The following SLC1A1 variants were observed in gnomAD, a reference collection of about 807,000 sequenced individuals.
The protein encoded by SLC1A1 is solute carrier family 1 member 1, also known as excitatory amino acid transporter 3.
SLC1A1 carries 43 observed loss-of-function variants against 53.3 expected under a neutral mutation model. The ratio of observed to expected loss-of-function variants is 0.81; its 90% CI spans 0.63 to 1.04. SLC1A1 has a LOEUF of 1.04. SLC1A1 is among the 50% of genes least tolerant of loss of function. The pLI, the probability that SLC1A1 is intolerant of heterozygous loss-of-function variation, is 0.00. For missense variants in SLC1A1, 748 were observed against 664.9 expected (o/e 1.12, Z -1.37); for synonymous variants, 307 against 243.2 (o/e 1.26, Z -2.44).
intron 7 of SLC1A1, 97 bp downstream of exon 7, chr9:4,572,485 C>A: frequency 1.9e-6 from 2 of 1,064,010 alleles, no homozygotes; most frequent in Non-Finnish European, 1.5e-6. Flanking sequence ...ACTGATGAAG[C>A]TAGAGAAGTT....
intron 2 of SLC1A1, among the ~76,000 whole-genome samples, chr9:4,546,934 G>A (rs1260789797): frequency 6.6e-6 from 1 of 152,212 alleles, no homozygotes; most frequent in Non-Finnish European, 1.5e-5. Flanking sequence ...ACCACCTGAT[G>A]AGCAATACTA....
intron 2 of SLC1A1, 31 bp downstream of exon 2, chr9:4,544,738 T>A (rs775611133): frequency 1.3e-5 from 20 of 1,574,814 alleles, no homozygotes; most frequent in African/African-American, 2.7e-5. Context: ...TTCTCTATAT[T>A]AGTCCATTTT....
chr9:4,562,598 G>C (rs182255092), intron 3 of SLC1A1, among the ~76,000 whole-genome samples: 15 of 152,250 alleles, frequency 9.9e-5, no homozygotes, highest in African/African-American at 3.4e-4. Context: ...AGAATGCTTG[G>C]TCTTTGTAAC....
chr9:4,533,847 A>T (rs1816570216), intron 1 of SLC1A1, among the ~76,000 whole-genome samples: 1 of 152,214 alleles, frequency 6.6e-6, no homozygotes, highest in East Asian at 1.9e-4. Flanking sequence ...AACAGAAATT[A>T]TAACAAACTG....
rs375317333 is a variant in SLC1A1, at chr9:4,501,965, C to G, written c.91+11195C>G. On this transcript the variant is annotated intron_variant, in intron 1 of 11. Coordinates refer to ENST00000262352, the MANE Select transcript of SLC1A1 (RefSeq NM_004170.6). ...AAAAATGCACCATCACCAGAAATGCCTAAACTACAGAGAGCCTAATCTCTG... is the reference window on the plus strand; with the variant it reads ...AAAAATGCACCATCACCAGAAATGCGTAAACTACAGAGAGCCTAATCTCTG... Among the ~76,000 whole-genome samples, 293 of 151,826 alleles carry G rather than the reference C, an allele frequency of 1.9e-3. 9 individuals are homozygous for G. The highest frequency in any genetic ancestry group is 6.7e-3 in the African/African-American group (275 of 41,114).
At chr9:4,550,498 C>T (rs985263092) in intron 2 of SLC1A1, among the ~76,000 whole-genome samples, 3 of 152,164 alleles carry the variant, frequency 2.0e-5, no homozygotes, top group Admixed American at 1.3e-4. Flanking sequence ...TCAAGCCATC[C>T]TTCCACCTAA....
chr9:4,542,184 G>C (rs1255790234), intron 1 of SLC1A1, among the ~76,000 whole-genome samples: 1 of 144,948 alleles, frequency 6.9e-6, no homozygotes, highest in Non-Finnish European at 1.5e-5. Flanking sequence ...AGGAAAGGGA[G>C]AGACACGGAG....
chr9:4,554,654 G>A (rs1270003591), intron 2 of SLC1A1, among the ~76,000 whole-genome samples: 1 of 152,202 alleles, frequency 6.6e-6, no homozygotes, highest in Non-Finnish European at 1.5e-5. Flanking sequence ...CAGGAAGATG[G>A]CACAAAGAGG....
intron 1 of SLC1A1, among the ~76,000 whole-genome samples, chr9:4,492,079 G>A (rs1820255226): frequency 6.6e-6 from 1 of 152,146 alleles, no homozygotes; most frequent in African/African-American, 2.4e-5. Context: ...GCTATTTGTA[G>A]GAGGAAAGGA....
chr9:4,514,748 C>T (rs1564001738), intron 1 of SLC1A1, among the ~76,000 whole-genome samples: 1 of 152,106 alleles, frequency 6.6e-6, no homozygotes, highest in Non-Finnish European at 1.5e-5. Context: ...GCCAGATTTG[C>T]ATCCTGGAAA....
At chr9:4,582,829 C>A (rs576824043) in intron 10 of SLC1A1, among the ~76,000 whole-genome samples, 1 of 152,286 alleles carries the variant, frequency 6.6e-6, no homozygotes, top group East Asian at 1.9e-4. Context: ...AAGGAGATGG[C>A]ATCATACCCC....
chr9:4,565,953 A>C, intron 4 of SLC1A1, 94 bp from the exon 5 acceptor site: 1 of 931,636 alleles, frequency 1.1e-6, no homozygotes, highest in South Asian at 1.3e-5. Context: ...CCAGAGTACT[A>C]GTTTTATGTT....
chr9:4,540,947 C>T (rs1392655558), intron 1 of SLC1A1, among the ~76,000 whole-genome samples: 2 of 152,198 alleles, frequency 1.3e-5, no homozygotes, highest in African/African-American at 2.4e-5. Flanking sequence ...AGGTTCCACA[C>T]CTCACAATTG....
intron 1 of SLC1A1, among the ~76,000 whole-genome samples, chr9:4,531,540 G>C (rs1345836422): frequency 1.3e-5 from 2 of 152,152 alleles, no homozygotes; most frequent in Non-Finnish European, 2.9e-5. Context: ...GGCTTGAGTA[G>C]GTAAACAAAG....
chr9:4,544,420 G>T lies in SLC1A1; in HGVS notation c.92-147G>T. On this transcript the variant is annotated intron_variant, in intron 1 of 11. Transcript: ENST00000262352. ...CACTGTCTTTTAAAATATAATTTCA[G>T]TCTAGATTTTACAGACTCATGGGAA... 4.1e-6 allele frequency: 3 copies of T among 726,138 alleles called. No individual in the cohort carries two copies. In the South Asian group the frequency reaches 4.7e-5, roughly 11 times the overall value. 45.0% of individuals were successfully genotyped at this position (726,138 alleles called of 1,614,324 possible). A position where few individuals can be genotyped will look rare whatever the true frequency, so the allele number is the denominator to read the frequency against.
intron 2 of SLC1A1, among the ~76,000 whole-genome samples, chr9:4,552,577 C>T (rs1294031266): frequency 2.0e-5 from 3 of 151,972 alleles, no homozygotes; most frequent in Admixed American, 6.6e-5. Context: ...GCGAGGGAAG[C>T]AATTCTAGCA....
chr9:4,526,307 G>A (rs1428871222), intron 1 of SLC1A1, among the ~76,000 whole-genome samples: 2 of 152,188 alleles, frequency 1.3e-5, no homozygotes, highest in Non-Finnish European at 2.9e-5. Context: ...ATACTGAACA[G>A]CACTTTGAAT....
chr9:4,582,285 G>GCTGC lies in SLC1A1; in HGVS notation c.1194-751_1194-748dup, dbSNP rs779050233. The stretch of plus-strand genomic sequence containing the variant: ...AATACCTGGTAATAAAGTTCACCTG[G>GCTGC]CTGCCCCTCCTGGATTCCAGATCTT... On this transcript the variant is annotated intron_variant, in intron 10 of 11. Transcript: ENST00000262352. Among the ~76,000 whole-genome samples the GCTGC allele has an allele frequency of 5.4e-4, 83 of 152,300 alleles. 2 individuals are homozygous for GCTGC. The highest frequency in any genetic ancestry group is 1.0e-3 in the Non-Finnish European group (71 of 68,038).
At chr9:4,566,806 C>G (rs1306191971) in intron 5 of SLC1A1, among the ~76,000 whole-genome samples, 1 of 152,138 alleles carries the variant, frequency 6.6e-6, no homozygotes, top group Non-Finnish European at 1.5e-5. Context: ...TCTCTTCACT[C>G]CATTTACTTC....
Sources: allele counts gnomAD v4.1 joint callset (sites outside exome capture counted in the v4.1 genomes callset), GRCh38; gene constraint gnomAD v4.1.1; transcripts MANE v1.5; gene names NCBI Gene and HGNC (gene_info 2026-07-23, HGNC 2026-07-21).